The following CLCN5 variants were observed in gnomAD, a reference collection of about 807,000 sequenced individuals.
CLCN5 encodes Cl-/H+ antiporter 5.
In CLCN5, 17 loss-of-function variants were observed where a neutral mutation model predicts 54.0. The ratio of observed to expected loss-of-function variants is 0.31; its 90% CI spans 0.22 to 0.47. The LOEUF is 0.47. CLCN5 is among the 20% of genes least tolerant of loss of function. The probability of loss-of-function intolerance (pLI) is 1.00; values close to 1 mark genes in which losing one functional copy is unlikely to be tolerated. For synonymous variants in CLCN5, 222 were observed against 233.0 expected, an observed-to-expected ratio of 0.95 and a Z score of 0.43; for missense variants, 448 against 646.7, an observed-to-expected ratio of 0.69 and a Z score of 3.33.
rs782297848 is a variant in CLCN5, at chrX:50,090,694, G to C, written c.2168G>C (p.Gly723Ala). 3.3e-6 allele frequency: 4 copies of C among 1,207,404 alleles called. No individual in the cohort carries two copies. Among genetic ancestry groups the C allele is most frequent in the Admixed American group, 2.2e-5 (1 of 45,506 alleles). The stretch of plus-strand genomic sequence containing the variant: ...GAAAATGCTCGAAAGAAACAGGATG[G>C]GGTTGTTAGCACTTCCATCATTTAT... ...SIENARKKQD[G>A]VVSTSIIYFT... The change falls in exon 14 of 15, where the codon GGG becomes GCG. Residue 723 changes from glycine (G) to alanine (A), a missense_variant. By Grantham distance (60) the Gly-to-Ala change is moderately conservative. Around this residue, in one of 5 missense-constraint regions of CLCN5, gnomAD observed 297 missense variants for 470.4 expected, o/e 0.63. Transcript: ENST00000376091.
intron 3 of CLCN5, among the ~76,000 whole-genome samples, chrX:49,947,072 T>C (rs1236039408): frequency 3.6e-5 from 4 of 111,014 alleles, no homozygotes; most frequent in African/African-American, 1.3e-4. Flanking sequence ...TCTGCCCGTC[T>C]TGGCCTCCCA....
chrX:49,953,185 C>T (rs1232962113), intron 3 of CLCN5, among the ~76,000 whole-genome samples: 2 of 111,845 alleles, frequency 1.8e-5, no homozygotes, highest in Non-Finnish European at 3.8e-5. Flanking sequence ...TGTGCCCGGC[C>T]GTGTGTGTGT....
In CLCN5 at chrX:50,089,957, G is replaced by A. The variant is rs138893704; in HGVS notation, c.1745-159G>A. Among the ~76,000 whole-genome samples, 1,434 of 111,847 alleles carry A rather than the reference G, an allele frequency of 0.013. 18 individuals are homozygous for A. The highest frequency in any genetic ancestry group is 0.045 in the African/African-American group (1,374 of 30,803). Reference sequence around the variant, plus strand: ...GATGTTATTTTGAGAACTCTGAATCGTCTCCATTGTGACCTTGCTTTCTTG... The same window carrying A: ...GATGTTATTTTGAGAACTCTGAATCATCTCCATTGTGACCTTGCTTTCTTG... On this transcript the variant is annotated intron_variant, in intron 12 of 14. Transcript: ENST00000376091.
chrX:50,049,420 TAAC>T (rs1200870848), intron 4 of CLCN5, among the ~76,000 whole-genome samples: 1 of 111,975 alleles, frequency 8.9e-6, no homozygotes, highest in Non-Finnish European at 1.9e-5. Context: ...TGAAATTACC[TAAC>T]AACACATTTC....
intron 3 of CLCN5, among the ~76,000 whole-genome samples, chrX:49,975,957 A>G (rs1928457538): frequency 1.8e-5 from 2 of 111,621 alleles, no homozygotes; most frequent in African/African-American, 3.3e-5. Context: ...GATGTTGTTC[A>G]TTGTCAAAAT....
At chrX:49,990,199 C>CT (rs1344559403) in intron 3 of CLCN5, among the ~76,000 whole-genome samples, 1 of 110,258 alleles carries the variant, frequency 9.1e-6, no homozygotes, top group Non-Finnish European at 1.9e-5. Context: ...GAGTCTCGCT[C>CT]TGTCGCCCAG....
intron 3 of CLCN5, among the ~76,000 whole-genome samples, chrX:50,017,263 T>G (rs1428066919): frequency 1.8e-5 from 2 of 112,149 alleles, no homozygotes; most frequent in African/African-American, 6.5e-5. Flanking sequence ...CGAGAGTTCC[T>G]GTTACTCCAT....
rs1557193188 is a variant in CLCN5 at position 50,081,718 on chromosome X, G to A, written c.804G>A (p.Leu268=). The A allele has an allele frequency of 8.3e-7, 1 of 1,210,874 alleles. No individual in the cohort carries two copies. Among genetic ancestry groups the A allele is most frequent in the Non-Finnish European group, 1.1e-6 (1 of 894,767 alleles). The part of the protein sequence containing the change: ...KWTLVIKTIT[L]VLAVSSGLSL... ...CTCTGGTTATCAAAACCATCACCTT[G>A]GTGCTGGCAGTGTCATCTGGCTTGA... Residue 268 remains leucine, a synonymous_variant, in exon 9 of 15, where the codon TTG becomes TTA. Transcript: ENST00000376091.
At chrX:49,982,638 C>G (rs1342350745) in intron 3 of CLCN5, among the ~76,000 whole-genome samples, 1 of 111,582 alleles carries the variant, frequency 9.0e-6, no homozygotes, top group Admixed American at 9.5e-5. Context: ...CCAAACGTTG[C>G]TATTGAAAGC....
intron 9 of CLCN5, among the ~76,000 whole-genome samples, chrX:50,083,119 G>T (rs782656758): frequency 8.8e-4 from 97 of 110,097 alleles, no homozygotes; most frequent in African/African-American, 3.1e-3. Flanking sequence ...CATATGGAAT[G>T]GGTCAAGACT....
At chrX:49,984,266 A>G (rs1557178021) in intron 3 of CLCN5, among the ~76,000 whole-genome samples, 1 of 112,086 alleles carries the variant, frequency 8.9e-6, no homozygotes, top group African/African-American at 3.2e-5. Flanking sequence ...CTAAAATCCA[A>G]CTGATCATGA....
chrX:50,086,950 C>T, intron 11 of CLCN5, 80 bp downstream of exon 11: 1 of 924,416 alleles, frequency 1.1e-6, no homozygotes, highest in Non-Finnish European at 1.6e-6. Context: ...TCATACAATC[C>T]TGATAGCTCA....
chrX:49,963,291 A>G (rs1260380800), intron 3 of CLCN5, among the ~76,000 whole-genome samples: 2 of 111,679 alleles, frequency 1.8e-5, no homozygotes, highest in Non-Finnish European at 3.8e-5. Context: ...AGAAGATACT[A>G]TTAAAACAGG....
chrX:49,940,151 TAAC>T (rs1926250991), intron 3 of CLCN5, among the ~76,000 whole-genome samples: 1 of 112,002 alleles, frequency 8.9e-6, no homozygotes. Context: ...ATGGGAATAA[TAAC>T]AACTGCCTCA....
chrX:50,082,842 A>G (rs1341234676), intron 9 of CLCN5, among the ~76,000 whole-genome samples: 2 of 111,254 alleles, frequency 1.8e-5, no homozygotes, highest in African/African-American at 6.6e-5. Flanking sequence ...TTCACTTTCT[A>G]TTTCTATCTA....
chrX:49,945,604 G>GTTTTTTTTTTTTTTTTTTTTT (rs1162822439), intron 3 of CLCN5, among the ~76,000 whole-genome samples: 2 of 71,155 alleles, frequency 2.8e-5, no homozygotes, highest in Non-Finnish European at 2.6e-5. Context: ...CGCCCAGCTA[G>GTTTTTTTTTTTTTTTTTTTTT]TTTTTTTTTT....
chrX:49,941,890 G>T (rs1926352818), intron 3 of CLCN5, among the ~76,000 whole-genome samples: 1 of 95,163 alleles, frequency 1.1e-5, no homozygotes, highest in African/African-American at 3.9e-5. Flanking sequence ...TTTTTTACCT[G>T]CCCAATGATA....
intron 3 of CLCN5, among the ~76,000 whole-genome samples, chrX:49,980,680 A>G (rs996434507): frequency 8.9e-6 from 1 of 111,765 alleles, no homozygotes; most frequent in Non-Finnish European, 1.9e-5. Context: ...TCTAGAGCCA[A>G]TAGAGTACTG....
rs561504215 is a variant in CLCN5 at position 50,060,155 on chromosome X, C to A, written c.164-9724C>A. 9.1e-5 allele frequency among the ~76,000 whole-genome samples: 10 copies of A among 109,726 alleles called. No homozygotes were observed. In the Admixed American group the frequency reaches 9.8e-4, roughly 11 times the overall value. ...ATAAGACAGTCACGGGGGGAGGAGCCAAGATGGCCGAATAGGAACAGCTCC... is the reference window on the plus strand; with the variant it reads ...ATAAGACAGTCACGGGGGGAGGAGCAAAGATGGCCGAATAGGAACAGCTCC... On this transcript the variant is annotated intron_variant, in intron 4 of 14. Coordinates refer to ENST00000376091, the MANE Select transcript of CLCN5 (RefSeq NM_001127898.4).
Sources: gnomAD v4.1 joint callset for allele counts (sites outside exome capture counted in the v4.1 genomes callset) on GRCh38, gnomAD v4.1.1 for gene constraint, gnomAD v4.1.1 regional missense constraint, MANE v1.5 for transcripts, NCBI Gene and HGNC (gene_info 2026-07-23, HGNC 2026-07-21) for gene names.